ZNF155: variants seen among roughly 807,000 people sequenced by gnomAD.
The protein encoded by ZNF155 is KRAB A domain.
Under a neutral mutation model 11.9 loss-of-function variants are expected in ZNF155, and 15 were observed. That is an observed-to-expected ratio of 1.26 (90% CI 0.84 to 1.94). The LOEUF (loss-of-function observed/expected upper bound fraction) is 1.94, where lower values mean the gene tolerates loss of function less well. Ranked by LOEUF, ZNF155 falls within the 30% of genes most tolerant of loss-of-function variation. ZNF155 has a pLI of 0.00. For missense variants in ZNF155, 602 were observed against 639.1 expected, an observed-to-expected ratio of 0.94 and a Z score of 0.63; for synonymous variants, 212 against 219.9, an observed-to-expected ratio of 0.96 and a Z score of 0.32.
At position 43,997,330 on chromosome 19, in the gene ZNF155, G is replaced by A. The variant is rs372647357; in HGVS notation, c.1473G>A (p.Lys491=). ...KKPFKCEDCG[K]RLVHRTYRKD... Reference sequence around the variant, plus strand: ...CATTCAAATGTGAGGACTGTGGAAAGAGGCTTGTACACAGGACATACCGTA... The same window carrying A: ...CATTCAAATGTGAGGACTGTGGAAAAAGGCTTGTACACAGGACATACCGTA... The change falls in exon 5 of 5, where the codon AAG becomes AAA. Residue 491 remains lysine, a synonymous_variant. Coordinates refer to ENST00000270014, the MANE Select transcript of ZNF155 (RefSeq NM_198089.3). 7.9e-5 allele frequency: 128 copies of A among 1,613,770 alleles called. No homozygotes were observed. The highest frequency in any genetic ancestry group is 1.0e-4 in the Non-Finnish European group (123 of 1,179,816).
intron 1 of ZNF155, among the ~76,000 whole-genome samples, chr19:43,986,115 G>A (rs1463728418): frequency 6.6e-6 from 1 of 152,170 alleles, no homozygotes; most frequent in African/African-American, 2.4e-5. Flanking sequence ...CTTTTTATAA[G>A]GATTTTGTAT....
chr19:43,988,591 T>G, intron 2 of ZNF155, 33 bp downstream of exon 2: 1 of 1,590,188 alleles, frequency 6.3e-7, no homozygotes, highest in Non-Finnish European at 8.6e-7. Context: ...GCTGTTAAAA[T>G]TCCATGTCAC....
In ZNF155 at chr19:43,997,373, T is replaced by C. The variant is rs1260694759; in HGVS notation, c.1516T>C (p.Tyr506His). 1 of 1,613,762 alleles carries C rather than the reference T, an allele frequency of 6.2e-7. No individual in the cohort carries two copies. Among genetic ancestry groups the C allele is most frequent in the Non-Finnish European group, 8.5e-7 (1 of 1,179,758 alleles). ...RTYRKDQPRD[Y>H]SGENPSKCED... Reference sequence around the variant, plus strand: ...ATACCGTAAAGACCAGCCGAGAGACTATAGTGGGGAAAACCCATCCAAATG... The same window carrying C: ...ATACCGTAAAGACCAGCCGAGAGACCATAGTGGGGAAAACCCATCCAAATG... The change falls in exon 5 of 5, where the codon TAT (tyrosine) becomes CAT (histidine). Residue 506 changes from tyrosine to histidine, a missense_variant. Physicochemically the swap from Tyr to His is moderately conservative, Grantham distance 83. Coordinates refer to ENST00000270014, the MANE Select transcript of ZNF155 (RefSeq NM_198089.3).
intron 2 of ZNF155, among the ~76,000 whole-genome samples, chr19:43,991,225 G>T (rs1975649569): frequency 6.6e-6 from 1 of 152,140 alleles, no homozygotes; most frequent in African/African-American, 2.4e-5. Flanking sequence ...TGTTGCTGGG[G>T]CAGTTGGCAA....
Position 43,996,801 on chromosome 19 carries a change from C to A in ZNF155, c.944C>A (p.Pro315Gln), listed in dbSNP as rs373121790. 11 of 1,613,992 alleles carry A rather than the reference C, an allele frequency of 6.8e-6. No homozygotes were observed. The highest frequency in any genetic ancestry group is 9.3e-6 in the Non-Finnish European group (11 of 1,180,018). ...SHSMVHTGEKPFRCDTCDKSF... is the reference protein window; with the variant it reads ...SHSMVHTGEKQFRCDTCDKSF... The stretch of plus-strand genomic sequence containing the variant: ...TCCATGGTTCACACAGGAGAAAAAC[C>A]ATTTAGGTGTGATACATGTGATAAG... The change falls in exon 5 of 5, where the codon CCA becomes CAA. Residue 315 changes from proline to glutamine, a missense_variant. Physicochemically the swap from Pro to Gln is moderately conservative, Grantham distance 76. Transcript: ENST00000270014.
Position 43,996,861 on chromosome 19 carries a change from G to T in ZNF155, c.1004G>T (p.Cys335Phe). Reference sequence around the variant, plus strand: ...CAGAGATCAGCACTTAATAGGCATTGCATGGTCCACACAGGAGAGAAACCG... The same window carrying T: ...CAGAGATCAGCACTTAATAGGCATTTCATGGTCCACACAGGAGAGAAACCG... Reference protein sequence around the residue: ...FHQRSALNRHCMVHTGEKPYR... With the variant: ...FHQRSALNRHFMVHTGEKPYR... Residue 335 changes from cysteine to phenylalanine, a missense_variant, in exon 5 of 5, where the codon TGC (cysteine) becomes TTC (phenylalanine). By Grantham distance (205) the Cys-to-Phe change is radical. Transcript: ENST00000270014. The T allele has an allele frequency of 3.7e-6, 6 of 1,613,748 alleles. No homozygotes were observed. Among genetic ancestry groups the T allele is most frequent in the Non-Finnish European group, 4.2e-6 (5 of 1,179,924 alleles).
chr19:43,988,765 G>A (rs73569841), intron 2 of ZNF155: 6,004 of 444,278 alleles, frequency 0.014, 113 homozygotes, highest in African/African-American at 0.058. Flanking sequence ...TTTATTTTAT[G>A]GAGTATGAAA....
At chr19:43,988,686 T>C in intron 2 of ZNF155, 128 bp downstream of exon 2, 1 of 963,106 alleles carries the variant, frequency 1.0e-6, no homozygotes. Context: ...TGCCAGGTGC[T>C]TCCTTTATCT....
At position 43,996,319 on chromosome 19, in the gene ZNF155, A is replaced by G; in HGVS notation, c.462A>G (p.Lys154=). ...AACCTTCCCAGGGTGGGAAGTGTAA[A>G]CAGTCCATCAGTGATGTTCCCATCT... The part of the protein sequence containing the change: ...GQKPSQGGKC[K]QSISDVPIFD... Residue 154 remains lysine, a synonymous_variant, in exon 5 of 5, where the codon AAA becomes AAG. Coordinates refer to ENST00000270014, the MANE Select transcript of ZNF155 (RefSeq NM_198089.3). The G allele has an allele frequency of 1.2e-6, 2 of 1,614,204 alleles. No individual in the cohort carries two copies. Among genetic ancestry groups the G allele is most frequent in the Non-Finnish European group, 1.7e-6 (2 of 1,180,008 alleles).
At chr19:43,988,002 C>G (rs1167515176) in intron 1 of ZNF155, among the ~76,000 whole-genome samples, 1 of 152,128 alleles carries the variant, frequency 6.6e-6, no homozygotes, top group Non-Finnish European at 1.5e-5. Flanking sequence ...AACTCATTTT[C>G]AGGCCGGGCA....
intron 1 of ZNF155, among the ~76,000 whole-genome samples, chr19:43,986,472 C>G (rs960886257): frequency 8.5e-5 from 11 of 129,740 alleles, no homozygotes; most frequent in African/African-American, 3.7e-4. Context: ...TTTTTTTAGA[C>G]GGAGTCTCGC....
intron 4 of ZNF155, among the ~76,000 whole-genome samples, chr19:43,994,191 G>C (rs1223161791): frequency 6.6e-6 from 1 of 151,914 alleles, no homozygotes; most frequent in East Asian, 1.9e-4. Flanking sequence ...ATTTTTGATT[G>C]TCTGCTCAGG....
At chr19:43,988,674 T>C in intron 2 of ZNF155, 116 bp downstream of exon 2, 1 of 1,128,440 alleles carries the variant, frequency 8.9e-7, no homozygotes, top group South Asian at 2.4e-5. Context: ...GGGACCTGTT[T>C]GTGCCAGGTG....
intron 2 of ZNF155, chr19:43,990,166 G>C (rs1015867237): frequency 1.8e-5 from 20 of 1,116,132 alleles, no homozygotes; most frequent in Admixed American, 9.2e-5. Flanking sequence ...AGTTCTAAAT[G>C]TGCTTATTTT....
intron 4 of ZNF155, among the ~76,000 whole-genome samples, chr19:43,992,721 G>A (rs1036470438): frequency 2.6e-5 from 4 of 152,216 alleles, no homozygotes; most frequent in South Asian, 2.1e-4. Context: ...CTGCTTAGGT[G>A]ACTAGTGACC....
chr19:43,995,108 CT>C (rs34395661), intron 4 of ZNF155, among the ~76,000 whole-genome samples: 290 of 144,786 alleles, frequency 2.0e-3, no homozygotes, highest in Admixed American at 2.5e-3. Flanking sequence ...GTTAGGTTAA[CT>C]TTTTTTTTTT....
At chr19:43,985,704 G>A (rs1300791006) in intron 1 of ZNF155, among the ~76,000 whole-genome samples, 1 of 151,946 alleles carries the variant, frequency 6.6e-6, no homozygotes, top group African/African-American at 2.4e-5. Flanking sequence ...ACCACGCCCA[G>A]CTAATTTTTG....
chr19:43,989,263 T>C (rs1975572638), intron 2 of ZNF155, among the ~76,000 whole-genome samples: 2 of 152,246 alleles, frequency 1.3e-5, no homozygotes, highest in Admixed American at 1.3e-4. Context: ...GTCTCAGTCA[T>C]ACTTTGCATG....
In ZNF155 at chr19:43,996,327, T is replaced by C; in HGVS notation, c.470T>C (p.Ile157Thr). 6.2e-7 allele frequency: 1 copy of C among 1,614,186 alleles called. No individual in the cohort carries two copies. Among genetic ancestry groups the C allele is most frequent in the East Asian group, 2.2e-5 (1 of 44,874 alleles). ...CAGGGTGGGAAGTGTAAACAGTCCA[T>C]CAGTGATGTTCCCATCTTTGATCTT... ...PSQGGKCKQS[I>T]SDVPIFDLPQ... is the part of the protein sequence containing the mutation. Residue 157 changes from isoleucine to threonine, a missense_variant, in exon 5 of 5, where the codon ATC (isoleucine) becomes ACC (threonine). Transcript: ENST00000270014.
Sources: allele counts gnomAD v4.1 joint callset (sites outside exome capture counted in the v4.1 genomes callset), GRCh38; gene constraint gnomAD v4.1.1; transcripts MANE v1.5; gene names NCBI Gene and HGNC (gene_info 2026-07-23, HGNC 2026-07-21).